The following CABLES1 variants were observed in gnomAD, a reference collection of about 807,000 sequenced individuals.
The protein encoded by CABLES1 is Cdk5 and Abl enzyme substrate 1, also known as CDK5 and ABL1 enzyme substrate 1.
In CABLES1, 36 loss-of-function variants were observed where a neutral mutation model predicts 57.8. That is an observed-to-expected ratio of 0.62 (90% CI 0.48 to 0.82). CABLES1 has a LOEUF of 0.82. CABLES1 is among the 40% of genes least tolerant of loss of function. CABLES1 has a pLI of 0.00. For missense variants in CABLES1, 767 were observed against 836.6 expected (o/e 0.92, Z 1.03); for synonymous variants, 374 against 363.0 (o/e 1.03, Z -0.35).
intron 3 of CABLES1, among the ~76,000 whole-genome samples, chr18:23,202,157 C>T (rs1167257080): frequency 1.3e-5 from 2 of 152,154 alleles, no homozygotes; most frequent in Non-Finnish European, 1.5e-5. Context: ...AGCAGAGGTA[C>T]GAGTGATCTG....
intron 4 of CABLES1, among the ~76,000 whole-genome samples, chr18:23,224,998 G>T (rs1016987503): frequency 6.6e-6 from 1 of 152,160 alleles, no homozygotes; most frequent in Non-Finnish European, 1.5e-5. Context: ...TTCCTGCGTA[G>T]CTGGGATGAC....
At chr18:23,152,158 G>A (rs2046934990) in intron 1 of CABLES1, among the ~76,000 whole-genome samples, 1 of 152,054 alleles carries the variant, frequency 6.6e-6, no homozygotes, top group South Asian at 2.1e-4. Context: ...TTAGCTATCT[G>A]GAGGCTGAGG....
intron 5 of CABLES1, among the ~76,000 whole-genome samples, chr18:23,235,666 C>G (rs2047601449): frequency 6.6e-6 from 1 of 152,218 alleles, no homozygotes; most frequent in South Asian, 2.1e-4. Context: ...TAGGAATAGT[C>G]AGACCCAGTG....
At chr18:23,196,096 C>T (rs2047280591) in intron 3 of CABLES1, among the ~76,000 whole-genome samples, 1 of 152,192 alleles carries the variant, frequency 6.6e-6, no homozygotes, top group African/African-American at 2.4e-5. Flanking sequence ...TAATAAAAGA[C>T]TTGGATTAAT....
intron 3 of CABLES1, among the ~76,000 whole-genome samples, chr18:23,209,197 A>C (rs1046166977): frequency 7.9e-5 from 12 of 152,242 alleles, no homozygotes; most frequent in African/African-American, 2.9e-4. Flanking sequence ...GACATGAGTC[A>C]GCCCTTGGTC....
intron 1 of CABLES1, among the ~76,000 whole-genome samples, chr18:23,143,568 C>T (rs574963188): frequency 3.3e-5 from 5 of 152,338 alleles, no homozygotes; most frequent in South Asian, 4.1e-4. Context: ...CACACCCACT[C>T]GTGCAAGTCT....
intron 3 of CABLES1, among the ~76,000 whole-genome samples, chr18:23,205,303 C>T (rs1164729137): frequency 1.3e-5 from 2 of 149,284 alleles, no homozygotes; most frequent in Non-Finnish European, 3.0e-5. Context: ...AAGTGATTCT[C>T]CTGCCTCAGC....
At chr18:23,252,247 AGT>A (rs1207019529) in intron 7 of CABLES1, among the ~76,000 whole-genome samples, 1 of 152,218 alleles carries the variant, frequency 6.6e-6, no homozygotes, top group East Asian at 1.9e-4. Flanking sequence ...TAATGGGCAG[AGT>A]GTTTCAATTG....
In CABLES1 at chr18:23,250,342, G is replaced by A. The variant is rs568483915; in HGVS notation, c.1447-2618G>A. ...TCTGGGAGTTCAGGGTGCCTGGATT[G>A]GGGGGTGAGGGGTTGAGAAGCTGGA... On this transcript the variant is annotated intron_variant, in intron 7 of 9. Coordinates refer to ENST00000256925, the MANE Select transcript of CABLES1 (RefSeq NM_001100619.3). 5.2e-3 allele frequency among the ~76,000 whole-genome samples: 788 copies of A among 152,188 alleles called. 3 individuals are homozygous for A. Among genetic ancestry groups the A allele is most frequent in the Non-Finnish European group, 7.2e-3 (490 of 67,998 alleles).
chr18:23,234,578 A>ATT (rs11430114), intron 4 of CABLES1, 30 bp from the exon 5 acceptor site: 3 of 1,535,546 alleles, frequency 2.0e-6, no homozygotes, highest in African/African-American at 2.7e-5. Flanking sequence ...ACACAAAAGC[A>ATT]TTTTTTTTTC....
chr18:23,177,336 A>G (rs2047131050), intron 1 of CABLES1, among the ~76,000 whole-genome samples: 1 of 151,126 alleles, frequency 6.6e-6, no homozygotes, highest in Non-Finnish European at 1.5e-5. Context: ...TTGCTCACCC[A>G]TGTAAGCCCT....
intron 1 of CABLES1, among the ~76,000 whole-genome samples, chr18:23,177,196 C>T (rs1400617626): frequency 2.0e-5 from 3 of 151,972 alleles, no homozygotes; most frequent in African/African-American, 7.3e-5. Flanking sequence ...CTCACAGTGA[C>T]TGGGGAGGAA....
At chr18:23,195,143 T>C (rs1217513581) in intron 3 of CABLES1, among the ~76,000 whole-genome samples, 1 of 152,208 alleles carries the variant, frequency 6.6e-6, no homozygotes, top group Admixed American at 6.5e-5. Flanking sequence ...ACCGTGATAT[T>C]AAAACCTTCC....
intron 2 of CABLES1, among the ~76,000 whole-genome samples, chr18:23,192,566 C>T (rs1478676391): frequency 6.6e-6 from 1 of 152,216 alleles, no homozygotes; most frequent in African/African-American, 2.4e-5. Flanking sequence ...AACCCGCACA[C>T]TGTCTAGCTC....
chr18:23,146,207 A>G (rs1216411477), intron 1 of CABLES1, among the ~76,000 whole-genome samples: 1 of 152,256 alleles, frequency 6.6e-6, no homozygotes, highest in Non-Finnish European at 1.5e-5. Flanking sequence ...AACAAATGTA[A>G]GGAGCTGGAA....
chr18:23,250,130 C>T (rs890356343), intron 7 of CABLES1, among the ~76,000 whole-genome samples: 2 of 152,204 alleles, frequency 1.3e-5, no homozygotes, highest in Non-Finnish European at 2.9e-5. Flanking sequence ...GATCCAGTCC[C>T]CTCCCACAGG....
intron 1 of CABLES1, among the ~76,000 whole-genome samples, chr18:23,140,466 T>C (rs1326969203): frequency 6.6e-6 from 1 of 151,506 alleles, no homozygotes; most frequent in Admixed American, 6.6e-5. Context: ...AGATGGAGTC[T>C]TGCTCTGTCA....
Position 23,257,658 on chromosome 18 carries a change from T to C in CABLES1, c.*291T>C. ...AATCCCTAGCTGCCCCAGCCCAGTC[T>C]TTCTCCCCGGCATTCACAAACTTTG... On this transcript the variant is annotated 3_prime_UTR_variant, in exon 10 of 10. Transcript: ENST00000256925. The C allele has an allele frequency of 3.4e-6, 1 of 297,236 alleles. No individual in the cohort carries two copies. The highest frequency in any genetic ancestry group is 1.0e-4 in the South Asian group (1 of 9,816). The allele number at this position is 297,236 out of a possible 1,614,324, so 18.4% of individuals were successfully genotyped here.
At chr18:23,206,315 C>T (rs1345445145) in intron 3 of CABLES1, among the ~76,000 whole-genome samples, 1 of 152,242 alleles carries the variant, frequency 6.6e-6, no homozygotes, top group Non-Finnish European at 1.5e-5. Flanking sequence ...CAGCCAGCCT[C>T]ACATTTGGAC....
Sources: allele counts gnomAD v4.1 joint callset (sites outside exome capture counted in the v4.1 genomes callset), GRCh38; gene constraint gnomAD v4.1.1; transcripts MANE v1.5; gene names NCBI Gene and HGNC (gene_info 2026-07-23, HGNC 2026-07-21).